CNTNAP2: variants seen among roughly 807,000 people sequenced by gnomAD.
CNTNAP2 encodes contactin associated protein 2, also known as contactin-associated protein-like 2.
A neutral mutation model predicts 155.2 loss-of-function variants in CNTNAP2; 98 were observed. The observed-to-expected ratio is 0.63, with a 90% CI of 0.54 to 0.75. The LOEUF (loss-of-function observed/expected upper bound fraction) is 0.75. Among genes scored for constraint, CNTNAP2 ranks in the 30% least tolerant of loss-of-function variants. The probability of loss-of-function intolerance (pLI) is 0.00; values close to 1 mark genes in which losing one functional copy is unlikely to be tolerated. For synonymous variants in CNTNAP2, 651 were observed against 631.2 expected (o/e 1.03, Z -0.47); for missense variants, 1,727 against 1,688.1 (o/e 1.02, Z -0.40).
chr7:148,248,743 T>A (rs562004970), intron 20 of CNTNAP2, among the ~76,000 whole-genome samples: 12 of 152,332 alleles, frequency 7.9e-5, no homozygotes, highest in African/African-American at 2.4e-4. Context: ...GACTTTTTTT[T>A]ATTTCTTTCA....
chr7:146,559,344 C>A (rs902212125), intron 1 of CNTNAP2, among the ~76,000 whole-genome samples: 1 of 152,056 alleles, frequency 6.6e-6, no homozygotes, highest in African/African-American at 2.4e-5. Context: ...CCGAGGTGGG[C>A]AGCTCACGAA....
chr7:148,018,244 G>A (rs1802213894), intron 15 of CNTNAP2, among the ~76,000 whole-genome samples: 1 of 152,188 alleles, frequency 6.6e-6, no homozygotes, highest in Non-Finnish European at 1.5e-5. Flanking sequence ...ATTTGTTGAG[G>A]TGTTCATCCC....
chr7:146,965,734 C>T (rs1797644812), intron 3 of CNTNAP2, among the ~76,000 whole-genome samples: 2 of 152,006 alleles, frequency 1.3e-5, no homozygotes, highest in Non-Finnish European at 1.5e-5. Context: ...TATAGAAAAC[C>T]GTTATGTAGT....
intron 13 of CNTNAP2, among the ~76,000 whole-genome samples, chr7:147,778,293 A>T (rs950408075): frequency 2.0e-5 from 3 of 152,250 alleles, no homozygotes; most frequent in East Asian, 3.8e-4. Flanking sequence ...TAAAAAGAAG[A>T]TAGATTATTT....
At chr7:147,533,599 T>TA (rs72210500) in intron 11 of CNTNAP2, among the ~76,000 whole-genome samples, 1,484 of 141,872 alleles carry the variant, frequency 0.01, 9 homozygotes, top group African/African-American at 0.02. Context: ...AAGCTTTATT[T>TA]AAAAAAAAAA....
intron 3 of CNTNAP2, among the ~76,000 whole-genome samples, chr7:146,967,538 T>C (rs1226502818): frequency 2.0e-5 from 3 of 152,228 alleles, no homozygotes; most frequent in Non-Finnish European, 4.4e-5. Context: ...CCTTGTAAGT[T>C]GGATTCCTAG....
intron 3 of CNTNAP2, among the ~76,000 whole-genome samples, chr7:146,959,145 G>C (rs1006863697): frequency 5.9e-5 from 9 of 151,864 alleles, no homozygotes; most frequent in South Asian, 4.2e-4. Flanking sequence ...TCAGCCTGCC[G>C]AGTAACTGGG....
intron 3 of CNTNAP2, among the ~76,000 whole-genome samples, chr7:146,913,878 A>T (rs568366482): frequency 6.6e-6 from 1 of 151,880 alleles, no homozygotes; most frequent in Non-Finnish European, 1.5e-5. Flanking sequence ...ACCGTACCCA[A>T]TGTGTAGTTT....
At chr7:148,043,524 A>G (rs1160287384) in intron 15 of CNTNAP2, among the ~76,000 whole-genome samples, 1 of 152,248 alleles carries the variant, frequency 6.6e-6, no homozygotes. Flanking sequence ...CTTAACTACA[A>G]TAATAAAGAA....
intron 16 of CNTNAP2, among the ~76,000 whole-genome samples, chr7:148,144,387 A>G (rs1299100820): frequency 6.6e-6 from 1 of 152,238 alleles, no homozygotes; most frequent in African/African-American, 2.4e-5. Context: ...TTGCATGTGC[A>G]GCATCCACCT....
chr7:146,652,495 A>G (rs1799933149), intron 1 of CNTNAP2, among the ~76,000 whole-genome samples: 2 of 152,160 alleles, frequency 1.3e-5, no homozygotes, highest in Admixed American at 1.3e-4. Flanking sequence ...AGTAAGTAGG[A>G]TTTCAAGACA....
At chr7:146,742,967 G>A (rs1226121902) in intron 1 of CNTNAP2, among the ~76,000 whole-genome samples, 2 of 151,960 alleles carry the variant, frequency 1.3e-5, no homozygotes, top group African/African-American at 4.8e-5. Flanking sequence ...TTTAAAAAAA[G>A]TATAGAACTC....
chr7:147,045,588 G>A (rs903995897), intron 4 of CNTNAP2, among the ~76,000 whole-genome samples: 4 of 152,046 alleles, frequency 2.6e-5, no homozygotes, highest in African/African-American at 7.2e-5. Flanking sequence ...CTCTTTAAAA[G>A]GAAAATTTAG....
chr7:146,132,865 A>G (rs569433589), intron 1 of CNTNAP2, among the ~76,000 whole-genome samples: 1,732 of 148,950 alleles, frequency 0.012, 28 homozygotes, highest in Non-Finnish European at 0.013. Context: ...TAATGCCGCA[A>G]TAAACATACA....
At chr7:146,968,088 T>C (rs931471205) in intron 3 of CNTNAP2, among the ~76,000 whole-genome samples, 14 of 151,168 alleles carry the variant, frequency 9.3e-5, no homozygotes, top group African/African-American at 3.1e-4. Flanking sequence ...TTGTCTTTGG[T>C]TCTGTTTATA....
chr7:147,759,162 TC>T (rs1797261425), intron 13 of CNTNAP2, among the ~76,000 whole-genome samples: 1 of 152,184 alleles, frequency 6.6e-6, no homozygotes, highest in Non-Finnish European at 1.5e-5. Flanking sequence ...CGTAAACCTT[TC>T]TATCTGATTA....
chr7:147,323,867 C>T lies in CNTNAP2; in HGVS notation c.1498+23577C>T, dbSNP rs535607279. Among the ~76,000 whole-genome samples, 4 of 140,236 alleles carry T rather than the reference C, an allele frequency of 2.9e-5. No individual in the cohort carries two copies. In the South Asian group the frequency reaches 9.5e-4, roughly 33 times the overall value. The allele number at this position is 140,236 out of a possible 152,430, so 92.0% of individuals were successfully genotyped here. Reference sequence around the variant, plus strand: ...CAATCATATTTCTGTTCTCCACAAACAGCTTTATTCAATAAATTTCTTGCC... The same window carrying T: ...CAATCATATTTCTGTTCTCCACAAATAGCTTTATTCAATAAATTTCTTGCC... On this transcript the variant is annotated intron_variant, in intron 9 of 23. Transcript: ENST00000361727.
intron 10 of CNTNAP2, among the ~76,000 whole-genome samples, chr7:147,397,998 T>A (rs1416276419): frequency 6.6e-6 from 1 of 152,064 alleles, no homozygotes; most frequent in Admixed American, 6.6e-5. Flanking sequence ...ATCTGTACAT[T>A]AAATACCAAT....
At chr7:147,334,876 T>C (rs1315798604) in intron 9 of CNTNAP2, among the ~76,000 whole-genome samples, 2 of 152,218 alleles carry the variant, frequency 1.3e-5, no homozygotes, top group African/African-American at 4.8e-5. Flanking sequence ...TACATATGTC[T>C]ACCTCCCTTA....
Sources: gnomAD v4.1 joint callset for allele counts (sites outside exome capture counted in the v4.1 genomes callset) on GRCh38, gnomAD v4.1.1 for gene constraint, MANE v1.5 for transcripts, NCBI Gene and HGNC (gene_info 2026-07-23, HGNC 2026-07-21) for gene names.